The following DMD variants were observed in gnomAD, a reference collection of about 807,000 sequenced individuals.
DMD encodes mutant dystrophin.
Under a neutral mutation model 330.1 loss-of-function variants are expected in DMD, and 63 were observed. That is an observed-to-expected ratio of 0.19 (90% CI 0.16 to 0.24). DMD has a LOEUF of 0.24. Among genes scored for constraint, DMD ranks in the 10% least tolerant of loss-of-function variants. The pLI is 1.00. For missense variants in DMD, 3,344 were observed against 2,684.1 expected (o/e 1.25, Z -5.43); for synonymous variants, 1,223 against 959.8 (o/e 1.27, Z -5.07).
Position 32,497,731 on chromosome X carries a change from AT to A in DMD, c.2380+4023del, listed in dbSNP as rs1426523171. Among the ~76,000 whole-genome samples, 10 of 111,701 alleles carry A rather than the reference AT, an allele frequency of 9.0e-5. No homozygotes were observed. The South Asian group carries it at 3.7e-3, about 42-fold the overall frequency. On this transcript the variant is annotated intron_variant, in intron 19 of 78. Transcript: ENST00000357033. Reference sequence around the variant, plus strand: ...CAAAAAGGATTACGTCTAATCCTAAATAGATAAAAACAGACATATGTTTAGG... The same window carrying A: ...CAAAAAGGATTACGTCTAATCCTAAAAGATAAAAACAGACATATGTTTAGG...
chrX:31,431,915 A>G (rs2064118701), intron 60 of DMD, among the ~76,000 whole-genome samples: 1 of 109,376 alleles, frequency 9.1e-6, no homozygotes, highest in South Asian at 4.0e-4. Flanking sequence ...CCCGGGTTCA[A>G]GTGATTCTCC....
chrX:31,957,912 G>A (rs933672563), intron 45 of DMD, among the ~76,000 whole-genome samples: 7 of 111,072 alleles, frequency 6.3e-5, no homozygotes, highest in Admixed American at 1.9e-4. Context: ...ACAAAGGTAG[G>A]ACACTCACCT....
chrX:32,809,634 C>T, intron 6 of DMD, 23 bp from the exon 7 acceptor site: 2 of 1,121,333 alleles, frequency 1.8e-6, no homozygotes, highest in Non-Finnish European at 2.5e-6. Flanking sequence ...CACATACACA[C>T]ATACACAAAG....
chrX:32,055,346 T>G (rs971055974), intron 44 of DMD, among the ~76,000 whole-genome samples: 4 of 112,069 alleles, frequency 3.6e-5, no homozygotes, highest in Non-Finnish European at 7.5e-5. Flanking sequence ...GAGCATAAAT[T>G]AAGAATATTT....
At chrX:32,801,609 C>A (rs769520577) in intron 7 of DMD, among the ~76,000 whole-genome samples, 36 of 111,657 alleles carry the variant, frequency 3.2e-4, no homozygotes, top group Non-Finnish European at 5.8e-4. Context: ...AAGGTATTGC[C>A]TAGGTTTTCT....
intron 13 of DMD, among the ~76,000 whole-genome samples, chrX:32,593,903 C>G (rs2055220415): frequency 8.9e-6 from 1 of 112,539 alleles, no homozygotes; most frequent in Non-Finnish European, 1.9e-5. Context: ...GGACAAGACT[C>G]TAATCTGCAG....
chrX:31,808,475 G>A (rs973556862), intron 50 of DMD, among the ~76,000 whole-genome samples: 1 of 111,852 alleles, frequency 8.9e-6, no homozygotes, highest in Non-Finnish European at 1.9e-5. Flanking sequence ...GGAAGGGGCA[G>A]TGTCAGCTTT....
chrX:32,964,773 G>A (rs1218101621), intron 2 of DMD, among the ~76,000 whole-genome samples: 2 of 111,697 alleles, frequency 1.8e-5, no homozygotes, highest in African/African-American at 3.3e-5. Context: ...AACAAATGAA[G>A]AAGTAAAAAC....
At chrX:32,641,680 T>C in intron 11 of DMD, 2 of 141,918 alleles carry the variant, frequency 1.4e-5, no homozygotes, top group Non-Finnish European at 3.3e-5. Flanking sequence ...TTAGAAATTA[T>C]AGCATAGCTT....
At chrX:33,323,735 T>C (rs958202818) in intron 1 of DMD, among the ~76,000 whole-genome samples, 1 of 111,840 alleles carries the variant, frequency 8.9e-6, no homozygotes, top group East Asian at 2.8e-4. Context: ...CATCAAATAA[T>C]GGTATTTTAT....
At chrX:32,646,098 C>T (rs1030928874) in intron 9 of DMD, among the ~76,000 whole-genome samples, 1 of 111,778 alleles carries the variant, frequency 8.9e-6, no homozygotes, top group African/African-American at 3.3e-5. Context: ...TTCTCCCCAT[C>T]TGAAGCCAAG....
intron 44 of DMD, among the ~76,000 whole-genome samples, chrX:32,026,016 C>T (rs763302556): frequency 6.3e-5 from 7 of 111,766 alleles, no homozygotes; most frequent in Non-Finnish European, 1.3e-4. Context: ...TAGAAGTAGT[C>T]GAGCTAGTCT....
At chrX:32,761,916 C>T (rs1262959673) in intron 7 of DMD, among the ~76,000 whole-genome samples, 1 of 110,457 alleles carries the variant, frequency 9.1e-6, no homozygotes, top group Non-Finnish European at 1.9e-5. Context: ...TTTGGGAGGC[C>T]GAGATGGGCA....
At chrX:32,761,687 C>T (rs2072317099) in intron 7 of DMD, among the ~76,000 whole-genome samples, 1 of 111,729 alleles carries the variant, frequency 9.0e-6, no homozygotes, top group African/African-American at 3.3e-5. Context: ...CTCCTCAGTA[C>T]TACCAGGATG....
At chrX:32,701,308 G>C (rs1217073372) in intron 7 of DMD, among the ~76,000 whole-genome samples, 1 of 111,863 alleles carries the variant, frequency 8.9e-6, no homozygotes, top group African/African-American at 3.2e-5. Context: ...AGGCTGAAAG[G>C]TACAAAGTTA....
At chrX:32,306,029 C>A (rs915968320) in intron 42 of DMD, among the ~76,000 whole-genome samples, 1 of 105,855 alleles carries the variant, frequency 9.4e-6, no homozygotes, top group Non-Finnish European at 2.0e-5. Flanking sequence ...GGTCCTATAT[C>A]CCCTTAACAG....
intron 9 of DMD, among the ~76,000 whole-genome samples, chrX:32,681,861 T>A (rs1035144824): frequency 1.8e-5 from 2 of 109,498 alleles, no homozygotes; most frequent in Admixed American, 1.9e-4. Context: ...TCAAATAGGG[T>A]AGTCAGAAAA....
chrX:31,920,515 T>C (rs1196329152), intron 47 of DMD, among the ~76,000 whole-genome samples: 3 of 112,198 alleles, frequency 2.7e-5, no homozygotes, highest in African/African-American at 9.7e-5. Context: ...GTAAAAGCAT[T>C]GCAGAAACAA....
At chrX:32,410,035 C>T (rs1012912911) in intron 30 of DMD, among the ~76,000 whole-genome samples, 6 of 111,282 alleles carry the variant, frequency 5.4e-5, no homozygotes, top group African/African-American at 2.0e-4. Context: ...CAAACTGGGA[C>T]GGACTTAGGA....
Sources: gnomAD v4.1 joint callset for allele counts (sites outside exome capture counted in the v4.1 genomes callset) on GRCh38, gnomAD v4.1.1 for gene constraint, MANE v1.5 for transcripts, NCBI Gene and HGNC (gene_info 2026-07-23, HGNC 2026-07-21) for gene names.